The following NOTCH2 variants were observed in gnomAD, a reference collection of about 807,000 sequenced individuals.
The protein encoded by NOTCH2 is notch receptor 2.
Under a neutral mutation model 235.8 loss-of-function variants are expected in NOTCH2, and 29 were observed. The ratio of observed to expected loss-of-function variants is 0.12; its 90% CI spans 0.09 to 0.17. The LOEUF is 0.17. Among genes scored for constraint, NOTCH2 ranks in the 10% least tolerant of loss-of-function variants. The probability of loss-of-function intolerance (pLI) is 1.00; values close to 1 mark genes in which losing one functional copy is unlikely to be tolerated. For synonymous variants in NOTCH2, 1,086 were observed against 1,141.5 expected, an observed-to-expected ratio of 0.95 and a Z score of 0.98; for missense variants, 2,285 against 3,150.2, an observed-to-expected ratio of 0.73 and a Z score of 6.57.
intron 5 of NOTCH2, among the ~76,000 whole-genome samples, chr1:119,986,388 T>C (rs1381253091): frequency 6.6e-6 from 1 of 152,222 alleles, no homozygotes; most frequent in African/African-American, 2.4e-5. Context: ...CCTTCTAATG[T>C]TAGAGGCAGA....
rs2596065 is a variant in NOTCH2, at chr1:120,005,072, A to G, written c.415+257T>C. Among the ~76,000 whole-genome samples the G allele has an allele frequency of 0.21, 31,672 of 151,854 alleles. 3,843 individuals are homozygous for G. The highest frequency in any genetic ancestry group is 0.39 in the African/African-American group (16,251 of 41,282). On this transcript the variant is annotated intron_variant, in intron 3 of 33. Transcript: ENST00000256646. ...CAAAGTGCTGGGATTGCAAGCGTGC[A>G]CCACCGCACCTGGCCCTGACATATA...
intron 22 of NOTCH2, among the ~76,000 whole-genome samples, chr1:119,932,629 A>G (rs1269857862): frequency 6.6e-6 from 1 of 151,784 alleles, no homozygotes; most frequent in Non-Finnish European, 1.5e-5. Context: ...CTATCTATCT[A>G]TCTATCTATC....
At chr1:119,983,641 T>A (rs1333113253) in intron 5 of NOTCH2, among the ~76,000 whole-genome samples, 1 of 152,194 alleles carries the variant, frequency 6.6e-6, no homozygotes, top group Non-Finnish European at 1.5e-5. Flanking sequence ...GCATTTTTGA[T>A]TGTTTCAATA....
At chr1:119,933,095 T>C (rs587668368) in intron 22 of NOTCH2, among the ~76,000 whole-genome samples, 2 of 152,304 alleles carry the variant, frequency 1.3e-5, no homozygotes, top group East Asian at 1.9e-4. Context: ...TAGGGATTGC[T>C]AGTAAAATGA....
chr1:120,028,409 T>G (rs1468574682), intron 2 of NOTCH2, among the ~76,000 whole-genome samples: 10 of 151,736 alleles, frequency 6.6e-5, no homozygotes, highest in Non-Finnish European at 1.5e-4. Flanking sequence ...TATCTCCAGT[T>G]GTATCTCCAT....
rs587701912 is a variant in NOTCH2, at chr1:120,031,085, T to C, written c.74-1098A>G. ...AATACCTGAAAGCAAAACTGAGAAGTTCCCCCTCTCCAAGTTTCCTCTAAC... is the reference window on the plus strand; with the variant it reads ...AATACCTGAAAGCAAAACTGAGAAGCTCCCCCTCTCCAAGTTTCCTCTAAC... On this transcript the variant is annotated intron_variant, in intron 1 of 33. Coordinates refer to ENST00000256646, the MANE Select transcript of NOTCH2 (RefSeq NM_024408.4). Among the ~76,000 whole-genome samples, 350 of 152,062 alleles carry C rather than the reference T, an allele frequency of 2.3e-3. 1 individual carries two copies. Among genetic ancestry groups the C allele is most frequent in the African/African-American group, 8.1e-3 (337 of 41,446 alleles).
intron 17 of NOTCH2, among the ~76,000 whole-genome samples, chr1:119,942,657 A>G (rs908073187): frequency 2.0e-5 from 3 of 152,214 alleles, no homozygotes; most frequent in South Asian, 2.1e-4. Context: ...CTCACCATCC[A>G]TAATTTACTG....
At chr1:119,935,718 C>CT in intron 21 of NOTCH2, 114 bp from the exon 22 acceptor site, 1 of 1,178,386 alleles carries the variant, frequency 8.5e-7, no homozygotes, top group Non-Finnish European at 1.2e-6. Flanking sequence ...CCTAATTTAG[C>CT]TTTTGTATGT....
chr1:119,967,443 C>T lies in NOTCH2; in HGVS notation c.1443G>A (p.Leu481=), dbSNP rs587674318. The change falls in exon 8 of 34, where the codon CTG becomes CTA. Residue 481 remains leucine (L), a synonymous_variant. Coordinates refer to ENST00000256646, the MANE Select transcript of NOTCH2 (RefSeq NM_024408.4). ...GATGGGCCCATTTACCTGGCATGCA[C>T]AGACATGTGAAGCCTCCAATCTTAT... ...CLDKIGGFTC[L]CMPGFKGVHC... is the part of the protein sequence containing the mutation. 272 of 1,614,078 alleles carry T rather than the reference C, an allele frequency of 1.7e-4. 1 individual carries two copies. In the South Asian group the frequency reaches 2.0e-3, roughly 12 times the overall value.
intron 17 of NOTCH2, among the ~76,000 whole-genome samples, chr1:119,944,706 A>G (rs1650192792): frequency 6.6e-6 from 1 of 152,204 alleles, no homozygotes; most frequent in Non-Finnish European, 1.5e-5. Context: ...GAAATAATGC[A>G]AGGAAGAAGA....
At chr1:120,000,095 C>G (rs1275003988) in intron 3 of NOTCH2, among the ~76,000 whole-genome samples, 1 of 152,080 alleles carries the variant, frequency 6.6e-6, no homozygotes, top group Non-Finnish European at 1.5e-5. Context: ...TGTATAGGCA[C>G]TAACTTGCTG....
intron 5 of NOTCH2, among the ~76,000 whole-genome samples, chr1:119,982,272 C>T (rs997289395): frequency 5.3e-5 from 8 of 152,198 alleles, no homozygotes; most frequent in African/African-American, 1.9e-4. Flanking sequence ...CCATTGTTCA[C>T]TTCTGCTTCA....
intron 11 of NOTCH2, among the ~76,000 whole-genome samples, chr1:119,961,432 A>G (rs927250390): frequency 2.0e-4 from 31 of 152,314 alleles, no homozygotes; most frequent in Admixed American, 3.9e-4. Flanking sequence ...TTATTTGAGT[A>G]GGAAAAGATG....
chr1:119,962,559 C>A (rs1553199133), intron 11 of NOTCH2, among the ~76,000 whole-genome samples: 1 of 152,142 alleles, frequency 6.6e-6, no homozygotes. Context: ...TGTATGAAGC[C>A]TTGGGTAAAG....
At chr1:120,018,304 CCTCA>C (rs1653529085) in intron 2 of NOTCH2, among the ~76,000 whole-genome samples, 1 of 120,222 alleles carries the variant, frequency 8.3e-6, no homozygotes, top group South Asian at 3.2e-4. Flanking sequence ...ACCTCAGCCG[CCTCA>C]CTTATAAAAC....
intron 4 of NOTCH2, among the ~76,000 whole-genome samples, chr1:119,989,295 A>G (rs1650259438): frequency 2.6e-5 from 4 of 152,184 alleles, no homozygotes; most frequent in African/African-American, 9.7e-5. Context: ...ATCCACATGT[A>G]AAAGAATCAA....
Position 119,923,689 on chromosome 1 carries a change from G to T in NOTCH2, c.4807C>A (p.Gln1603Lys). ...YGEKSAAMKK[Q>K]RMTRRSLPGE... ...GGAAGGGATCTGCGTGTCATCCTCT[G>T]TTTCTTCATAGCAGCTGACTTCTCA... The change falls in exon 26 of 34, where the codon CAG (glutamine) becomes AAG (lysine). Residue 1603 changes from glutamine to lysine, a missense_variant. Coordinates refer to ENST00000256646, the MANE Select transcript of NOTCH2 (RefSeq NM_024408.4). 5.6e-6 allele frequency: 9 copies of T among 1,614,156 alleles called. No homozygotes were observed. Among genetic ancestry groups the T allele is most frequent in the Non-Finnish European group, 7.6e-6 (9 of 1,180,026 alleles).
intron 2 of NOTCH2, among the ~76,000 whole-genome samples, chr1:120,006,397 T>C (rs200781744): frequency 1.3e-5 from 2 of 150,590 alleles, no homozygotes; most frequent in East Asian, 1.9e-4. Context: ...ATTTTCCACA[T>C]TGAGGCACTG....
At chr1:119,971,156 C>G (rs1553200315) in intron 5 of NOTCH2, among the ~76,000 whole-genome samples, 2 of 152,188 alleles carry the variant, frequency 1.3e-5, no homozygotes. Context: ...ACCAATATCA[C>G]TCTATCACAC....
Sources: gnomAD v4.1 joint callset for allele counts (sites outside exome capture counted in the v4.1 genomes callset) on GRCh38, gnomAD v4.1.1 for gene constraint, MANE v1.5 for transcripts, NCBI Gene and HGNC (gene_info 2026-07-23, HGNC 2026-07-21) for gene names.